Variants in CHRM3 observed in about 807,000 individuals in gnomAD.
CHRM3 encodes cholinergic receptor muscarinic 3, also known as muscarinic acetylcholine receptor M3.
CHRM3 carries 11 observed loss-of-function variants against 41.8 expected under a neutral mutation model. That is an observed-to-expected ratio of 0.26 (90% CI 0.17 to 0.44). CHRM3 has a LOEUF of 0.44. Among genes scored for constraint, CHRM3 ranks in the 20% least tolerant of loss-of-function variants. CHRM3 has a pLI of 1.00. For missense variants in CHRM3, 571 were observed against 745.4 expected, an observed-to-expected ratio of 0.77 and a Z score of 2.72; for synonymous variants, 297 against 301.4, an observed-to-expected ratio of 0.99 and a Z score of 0.15.
At chr1:239,904,324 G>A (rs1273718709) in intron 6 of CHRM3, among the ~76,000 whole-genome samples, 6 of 152,144 alleles carry the variant, frequency 3.9e-5, no homozygotes, top group Admixed American at 6.6e-5. Flanking sequence ...GCCACTTATC[G>A]GCGTATGGGG....
At chr1:239,618,932 T>C (rs1428462634) in intron 3 of CHRM3, among the ~76,000 whole-genome samples, 2 of 145,260 alleles carry the variant, frequency 1.4e-5, no homozygotes, top group Non-Finnish European at 3.0e-5. Context: ...TATTTATTTT[T>C]GAGATGGAAT....
chr1:239,611,569 C>G (rs935165533), intron 3 of CHRM3, among the ~76,000 whole-genome samples: 1 of 151,844 alleles, frequency 6.6e-6, no homozygotes, highest in South Asian at 2.1e-4. Flanking sequence ...TACAGGCATG[C>G]GTCACCATGC....
At chr1:239,555,003 C>T (rs1660227050) in intron 3 of CHRM3, among the ~76,000 whole-genome samples, 2 of 152,158 alleles carry the variant, frequency 1.3e-5, no homozygotes, top group Admixed American at 6.5e-5. Context: ...GCTGGGATTA[C>T]AGGCGTAAGC....
chr1:239,727,090 TAC>T (rs1663508380), intron 5 of CHRM3, among the ~76,000 whole-genome samples: 1 of 151,856 alleles, frequency 6.6e-6, no homozygotes, highest in Non-Finnish European at 1.5e-5. Context: ...ACTTATCCCA[TAC>T]AGTTATTGTG....
chr1:239,727,104 A>G (rs954795660), intron 5 of CHRM3, among the ~76,000 whole-genome samples: 3 of 152,020 alleles, frequency 2.0e-5, no homozygotes, highest in South Asian at 4.1e-4. Flanking sequence ...GTTATTGTGA[A>G]GATCAAAAAA....
At chr1:239,825,965 A>T (rs1237677235) in intron 5 of CHRM3, among the ~76,000 whole-genome samples, 1 of 152,222 alleles carries the variant, frequency 6.6e-6, no homozygotes, top group African/African-American at 2.4e-5. Flanking sequence ...CAAAATGACA[A>T]ATACTATATG....
intron 6 of CHRM3, among the ~76,000 whole-genome samples, chr1:239,860,327 ATTAC>A (rs1311326183): frequency 6.6e-6 from 1 of 152,218 alleles, no homozygotes; most frequent in Non-Finnish European, 1.5e-5. Context: ...CAAAAACATT[ATTAC>A]TAAATGTATG....
intron 4 of CHRM3, among the ~76,000 whole-genome samples, chr1:239,637,803 A>G (rs1260198681): frequency 1.3e-5 from 2 of 148,806 alleles, no homozygotes; most frequent in Non-Finnish European, 3.0e-5. Flanking sequence ...TTTAGGGTAC[A>G]TGTGCACAAT....
intron 5 of CHRM3, among the ~76,000 whole-genome samples, chr1:239,740,762 T>C (rs1044255090): frequency 1.3e-5 from 2 of 152,062 alleles, no homozygotes; most frequent in Non-Finnish European, 1.5e-5. Flanking sequence ...AAAACCATAA[T>C]GAGATACCAT....
chr1:239,398,006 A>C lies in CHRM3; in HGVS notation c.-521+10779A>C, dbSNP rs533418150. On this transcript the variant is annotated intron_variant, in intron 1 of 6. Coordinates refer to ENST00000676153, the MANE Select transcript of CHRM3 (RefSeq NM_001375978.1). ...GTCTTCATAATGATGAATGTTTGTTACTGATACCATATTTGTCATTTAAGA... is the reference window on the plus strand; with the variant it reads ...GTCTTCATAATGATGAATGTTTGTTCCTGATACCATATTTGTCATTTAAGA... Among the ~76,000 whole-genome samples, 94 of 152,150 alleles carry C rather than the reference A, an allele frequency of 6.2e-4. No individual in the cohort carries two copies. The South Asian group carries it at 7.5e-3, about 12-fold the overall frequency.
intron 4 of CHRM3, among the ~76,000 whole-genome samples, chr1:239,660,304 A>C (rs1157803385): frequency 1.3e-5 from 2 of 152,058 alleles, no homozygotes; most frequent in Non-Finnish European, 2.9e-5. Context: ...TTTTAATCAA[A>C]TTGATTACTG....
intron 4 of CHRM3, among the ~76,000 whole-genome samples, chr1:239,660,433 C>T (rs970538036): frequency 1.4e-4 from 22 of 152,168 alleles, no homozygotes; most frequent in African/African-American, 4.3e-4. Context: ...CTTCAAGGCT[C>T]ATTGTCTAGC....
At chr1:239,470,855 A>AT (rs566945773) in intron 1 of CHRM3, among the ~76,000 whole-genome samples, 4 of 151,516 alleles carry the variant, frequency 2.6e-5, no homozygotes, top group African/African-American at 7.3e-5. Context: ...AAGTGTCAGT[A>AT]TTTTTTTTTA....
intron 5 of CHRM3, among the ~76,000 whole-genome samples, chr1:239,742,169 T>C (rs1572152266): frequency 6.6e-6 from 1 of 152,304 alleles, no homozygotes; most frequent in African/African-American, 2.4e-5. Flanking sequence ...AAAGGACATA[T>C]TTATGTTAGA....
chr1:239,718,511 T>C (rs1406985890), intron 5 of CHRM3, among the ~76,000 whole-genome samples: 1 of 151,936 alleles, frequency 6.6e-6, no homozygotes, highest in Non-Finnish European at 1.5e-5. Context: ...GGGTCAGGAG[T>C]AATATTCCAC....
At chr1:239,423,019 C>T (rs1365072688) in intron 1 of CHRM3, among the ~76,000 whole-genome samples, 2 of 152,052 alleles carry the variant, frequency 1.3e-5, no homozygotes, top group Non-Finnish European at 2.9e-5. Flanking sequence ...TTGATCTGGT[C>T]CAAGTTTCAT....
chr1:239,467,016 A>AT (rs1488846950), intron 1 of CHRM3, among the ~76,000 whole-genome samples: 1 of 152,010 alleles, frequency 6.6e-6, no homozygotes, highest in Non-Finnish European at 1.5e-5. Context: ...AGAGTAATAC[A>AT]TTTTTTTCAA....
At chr1:239,577,615 G>C (rs893419790) in intron 3 of CHRM3, among the ~76,000 whole-genome samples, 1 of 152,134 alleles carries the variant, frequency 6.6e-6, no homozygotes, top group Non-Finnish European at 1.5e-5. Context: ...AGGTATTTGG[G>C]TTTCACAATA....
chr1:239,462,897 A>T (rs1001782836), intron 1 of CHRM3, among the ~76,000 whole-genome samples: 1 of 152,206 alleles, frequency 6.6e-6, no homozygotes, highest in Non-Finnish European at 1.5e-5. Flanking sequence ...ATTTGTTGTT[A>T]TATAACTCCT....
Sources: allele counts gnomAD v4.1 joint callset (sites outside exome capture counted in the v4.1 genomes callset), GRCh38; gene constraint gnomAD v4.1.1; transcripts MANE v1.5; gene names NCBI Gene and HGNC (gene_info 2026-07-23, HGNC 2026-07-21).